ATP8A2: variants seen among roughly 807,000 people sequenced by gnomAD.
The protein encoded by ATP8A2 is ATPase phospholipid transporting 8A2.
A neutral mutation model predicts 165.6 loss-of-function variants in ATP8A2; 100 were observed. That is an observed-to-expected ratio of 0.60 (90% confidence interval 0.51 to 0.71). ATP8A2 has a LOEUF of 0.71. ATP8A2 is among the 30% of genes least tolerant of loss of function. The pLI, the probability that ATP8A2 is intolerant of heterozygous loss-of-function variation, is 0.00. For synonymous variants in ATP8A2, 543 were observed against 548.8 expected (o/e 0.99, Z 0.15); for missense variants, 1,227 against 1,479.5 (o/e 0.83, Z 2.80).
intron 1 of ATP8A2, among the ~76,000 whole-genome samples, chr13:25,407,556 A>G (rs1270650117): frequency 6.6e-6 from 1 of 152,236 alleles, no homozygotes; most frequent in Non-Finnish European, 1.5e-5. Flanking sequence ...CCCACTACCT[A>G]TAATTTCCCT....
chr13:25,845,221 G>T (rs1219849390), intron 30 of ATP8A2, among the ~76,000 whole-genome samples: 1 of 152,166 alleles, frequency 6.6e-6, no homozygotes, highest in African/African-American at 2.4e-5. Context: ...CCTTCACAGG[G>T]ACCCAAGTCC....
At chr13:25,653,352 A>T (rs2041857618) in intron 24 of ATP8A2, among the ~76,000 whole-genome samples, 1 of 152,238 alleles carries the variant, frequency 6.6e-6, no homozygotes, top group Admixed American at 6.5e-5. Context: ...ATGTAGGAAC[A>T]GAAAACCAAA....
intron 23 of ATP8A2, among the ~76,000 whole-genome samples, chr13:25,584,242 C>A (rs4438146): frequency 6.6e-6 from 1 of 151,994 alleles, no homozygotes; most frequent in South Asian, 2.1e-4. Context: ...AAAGCATATA[C>A]GTCCGGACAT....
chr13:25,742,358 G>A (rs1469124456), intron 25 of ATP8A2, among the ~76,000 whole-genome samples: 1 of 151,762 alleles, frequency 6.6e-6, no homozygotes, highest in African/African-American at 2.4e-5. Context: ...AGGCATATGA[G>A]ATAATATACA....
intron 24 of ATP8A2, among the ~76,000 whole-genome samples, chr13:25,697,119 A>T (rs2042850009): frequency 6.6e-6 from 1 of 152,226 alleles, no homozygotes; most frequent in Non-Finnish European, 1.5e-5. Context: ...TTTGTAAGAA[A>T]TGCAATTGTC....
intron 1 of ATP8A2, among the ~76,000 whole-genome samples, chr13:25,411,293 G>A (rs891935935): frequency 4.6e-5 from 7 of 152,174 alleles, no homozygotes; most frequent in African/African-American, 1.4e-4. Context: ...GAGAATATCA[G>A]GTGTGTTTCC....
intron 27 of ATP8A2, among the ~76,000 whole-genome samples, chr13:25,801,594 A>G (rs530247576): frequency 4.3e-4 from 66 of 152,260 alleles, no homozygotes; most frequent in Middle Eastern, 3.4e-3. Flanking sequence ...TCTTCTTGCC[A>G]GAGGCCTTGA....
intron 33 of ATP8A2, among the ~76,000 whole-genome samples, chr13:25,951,135 C>G (rs1955345431): frequency 6.6e-6 from 1 of 152,084 alleles, no homozygotes; most frequent in Non-Finnish European, 1.5e-5. Context: ...GGTGTTGACC[C>G]AAAAGAACTG....
At chr13:25,946,215 C>A (rs1955205047) in intron 33 of ATP8A2, among the ~76,000 whole-genome samples, 1 of 152,174 alleles carries the variant, frequency 6.6e-6, no homozygotes, top group African/African-American at 2.4e-5. Flanking sequence ...ACTGCTGAGA[C>A]CATCCCTGTG....
chr13:25,391,765 C>T (rs1281360455), intron 1 of ATP8A2, among the ~76,000 whole-genome samples: 1 of 152,166 alleles, frequency 6.6e-6, no homozygotes, highest in African/African-American at 2.4e-5. Flanking sequence ...TCCAGGAGGC[C>T]ATACAGAGGC....
chr13:25,587,724 C>G (rs1345712638), intron 23 of ATP8A2, among the ~76,000 whole-genome samples: 1 of 152,188 alleles, frequency 6.6e-6, no homozygotes, highest in Non-Finnish European at 1.5e-5. Flanking sequence ...CAATATCCCT[C>G]TTTGCAAGTG....
intron 33 of ATP8A2, among the ~76,000 whole-genome samples, chr13:25,928,118 C>G (rs561616298): frequency 6.6e-6 from 1 of 152,336 alleles, no homozygotes; most frequent in South Asian, 2.1e-4. Context: ...ATCTTCTCCC[C>G]GTCAGTTGGA....
chr13:25,850,295 A>C (rs1951972881), intron 30 of ATP8A2, among the ~76,000 whole-genome samples: 1 of 152,316 alleles, frequency 6.6e-6, no homozygotes, highest in Non-Finnish European at 1.5e-5. Context: ...ACATCTCTCC[A>C]TATGCACTTT....
intron 25 of ATP8A2, among the ~76,000 whole-genome samples, chr13:25,723,305 C>T (rs926885042): frequency 1.3e-5 from 2 of 152,146 alleles, no homozygotes; most frequent in African/African-American, 4.8e-5. Flanking sequence ...TACATTCTTG[C>T]CAAGACTTGT....
chr13:25,649,051 A>C, intron 24 of ATP8A2: 1 of 504,938 alleles, frequency 2.0e-6, no homozygotes, highest in African/African-American at 1.9e-5. Context: ...TCTTTTGGAG[A>C]TGTCATGATT....
At chr13:25,976,740 C>T (rs1956049438) in intron 35 of ATP8A2, among the ~76,000 whole-genome samples, 1 of 152,066 alleles carries the variant, frequency 6.6e-6, no homozygotes, top group Admixed American at 6.5e-5. Flanking sequence ...CGGACAAATT[C>T]AGAGCAAATA....
intron 33 of ATP8A2, among the ~76,000 whole-genome samples, chr13:25,885,616 C>A (rs1259433970): frequency 6.6e-6 from 1 of 152,134 alleles, no homozygotes; most frequent in Non-Finnish European, 1.5e-5. Flanking sequence ...CACATCAGTC[C>A]CGAACCAGAG....
chr13:25,630,585 G>A (rs2041217009), intron 24 of ATP8A2, among the ~76,000 whole-genome samples: 1 of 152,166 alleles, frequency 6.6e-6, no homozygotes, highest in South Asian at 2.1e-4. Context: ...AACACAACTA[G>A]CTGATGCTCA....
At chr13:25,599,877 G>A (rs1456629734) in intron 24 of ATP8A2, among the ~76,000 whole-genome samples, 1 of 152,086 alleles carries the variant, frequency 6.6e-6, no homozygotes, top group Non-Finnish European at 1.5e-5. Flanking sequence ...TCAAACCCAA[G>A]CAAAAGAAAT....
Sources: allele counts gnomAD v4.1 joint callset (sites outside exome capture counted in the v4.1 genomes callset), GRCh38; gene constraint gnomAD v4.1.1; transcripts MANE v1.5; gene names NCBI Gene and HGNC (gene_info 2026-07-23, HGNC 2026-07-21).